The following MGAT4C variants were observed in gnomAD, a reference collection of about 807,000 sequenced individuals.
The protein encoded by MGAT4C is MGAT4 family member C.
Under a neutral mutation model 40.1 loss-of-function variants are expected in MGAT4C, and 19 were observed. The observed-to-expected ratio is 0.47, with a 90% confidence interval of 0.33 to 0.70. MGAT4C has a LOEUF of 0.70. Among genes scored for constraint, MGAT4C ranks in the 30% least tolerant of loss-of-function variants. The pLI is 0.02. For missense variants in MGAT4C, 491 were observed against 563.2 expected (o/e 0.87, Z 1.30); for synonymous variants, 181 against 187.1 (o/e 0.97, Z 0.27).
chr12:86,293,608 T>C (rs534265239), intron 4 of MGAT4C, among the ~76,000 whole-genome samples: 1 of 152,276 alleles, frequency 6.6e-6, no homozygotes, highest in Admixed American at 6.5e-5. Flanking sequence ...CCTTTATGAC[T>C]TATAACAATT....
At chr12:86,484,719 C>T (rs1422203677) in intron 2 of MGAT4C, among the ~76,000 whole-genome samples, 1 of 152,158 alleles carries the variant, frequency 6.6e-6, no homozygotes, top group Non-Finnish European at 1.5e-5. Context: ...AGAGTGAGAC[C>T]TGTCAGTCAG....
At chr12:86,670,036 T>C (rs1191652493) in intron 2 of MGAT4C, among the ~76,000 whole-genome samples, 1 of 149,006 alleles carries the variant, frequency 6.7e-6, no homozygotes, top group African/African-American at 2.6e-5. Context: ...AATAAAATTA[T>C]TGGGGAAAAA....
intron 3 of MGAT4C, among the ~76,000 whole-genome samples, chr12:86,353,405 G>A (rs192550332): frequency 3.4e-3 from 515 of 152,250 alleles, no homozygotes; most frequent in Non-Finnish European, 5.4e-3. Flanking sequence ...AGAATCCCAT[G>A]GGGTGAGTTC....
chr12:86,196,589 G>A (rs536004548), intron 1 of MGAT4C, among the ~76,000 whole-genome samples: 1 of 152,318 alleles, frequency 6.6e-6, no homozygotes, highest in East Asian at 1.9e-4. Flanking sequence ...GATAATGCAT[G>A]TTTGAAGCCA....
At chr12:86,584,992 T>G (rs1162412037) in intron 2 of MGAT4C, among the ~76,000 whole-genome samples, 1 of 151,382 alleles carries the variant, frequency 6.6e-6, no homozygotes, top group African/African-American at 2.4e-5. Flanking sequence ...ATTTGTCAAT[T>G]AGTGAAAATT....
At chr12:86,371,570 A>C (rs1452622689) in intron 3 of MGAT4C, among the ~76,000 whole-genome samples, 2 of 151,906 alleles carry the variant, frequency 1.3e-5, no homozygotes, top group Non-Finnish European at 2.9e-5. Flanking sequence ...TTTTCCTTTA[A>C]ATTTTTAAAA....
intron 1 of MGAT4C, among the ~76,000 whole-genome samples, chr12:86,764,093 G>A (rs1023832419): frequency 6.6e-6 from 1 of 152,138 alleles, no homozygotes; most frequent in African/African-American, 2.4e-5. Flanking sequence ...AGGGGTCAGG[G>A]AGTTCCCTTT....
chr12:86,747,618 A>G (rs1173241168), intron 1 of MGAT4C, among the ~76,000 whole-genome samples: 1 of 151,616 alleles, frequency 6.6e-6, no homozygotes, highest in Non-Finnish European at 1.5e-5. Flanking sequence ...TCTTTTTCAG[A>G]GCAAATTTCA....
chr12:86,616,550 G>A (rs1349065121), intron 2 of MGAT4C, among the ~76,000 whole-genome samples: 1 of 152,050 alleles, frequency 6.6e-6, no homozygotes, highest in Non-Finnish European at 1.5e-5. Flanking sequence ...AGCAGAAAAT[G>A]TATCATGTCA....
intron 2 of MGAT4C, among the ~76,000 whole-genome samples, chr12:86,540,387 G>A (rs1959153127): frequency 1.3e-5 from 2 of 152,170 alleles, no homozygotes. Flanking sequence ...TAGCAGCCCA[G>A]GTTAAGCCTC....
intron 2 of MGAT4C, among the ~76,000 whole-genome samples, chr12:86,529,004 G>A (rs1016318434): frequency 1.3e-5 from 2 of 151,644 alleles, no homozygotes; most frequent in Non-Finnish European, 3.0e-5. Flanking sequence ...AATATTCAAA[G>A]TAAAATACAT....
Position 86,665,384 on chromosome 12 carries a change from C to CT in MGAT4C, c.-229+61824dup, listed in dbSNP as rs1055385816. Among the ~76,000 whole-genome samples, 534 of 149,206 alleles carry CT rather than the reference C, an allele frequency of 3.6e-3. 4 individuals are homozygous for CT. The highest frequency in any genetic ancestry group is 0.011 in the African/African-American group (456 of 40,650). On this transcript the variant is annotated intron_variant, in intron 2 of 7. Transcript: ENST00000548651. ...TTGGAAAAGTTATACAACTTTTTTT[C>CT]TTTTTTTTTTGAGACGGAGCCTTGC...
At chr12:86,219,531 G>C (rs1213758512) in intron 1 of MGAT4C, among the ~76,000 whole-genome samples, 1 of 152,114 alleles carries the variant, frequency 6.6e-6, no homozygotes. Flanking sequence ...TTTTCTGTTT[G>C]TATGGAAGAT....
rs142602426 is a variant in MGAT4C, at chr12:86,236,103, C to T, written c.-57+20136G>A. Among the ~76,000 whole-genome samples the T allele has an allele frequency of 2.4e-3, 372 of 152,132 alleles. 1 individual carries two copies. The highest frequency in any genetic ancestry group is 7.4e-3 in the African/African-American group (307 of 41,534). ...AATGTGAGCACAGATATCCTACTGA[C>T]ATCACAGAAATACATGGTTCATGTG... On this transcript the variant is annotated intron_variant, in intron 1 of 4. Coordinates refer to ENST00000611864, the MANE Select transcript of MGAT4C (RefSeq NM_001351288.2).
chr12:86,227,183 A>AT (rs137908521), intron 1 of MGAT4C, among the ~76,000 whole-genome samples: 8,401 of 150,766 alleles, frequency 0.056, 769 homozygotes, highest in African/African-American at 0.19. Context: ...CAAAGATGTC[A>AT]TTTTTTTTTC....
chr12:86,374,065 G>A (rs756238166), intron 3 of MGAT4C, among the ~76,000 whole-genome samples: 52 of 152,086 alleles, frequency 3.4e-4, no homozygotes, highest in Non-Finnish European at 1.3e-4. Flanking sequence ...CTAGAGAATC[G>A]AGATGTTTGT....
At chr12:86,540,232 C>T (rs1210235365) in intron 2 of MGAT4C, among the ~76,000 whole-genome samples, 2 of 152,180 alleles carry the variant, frequency 1.3e-5, no homozygotes, top group Non-Finnish European at 2.9e-5. Flanking sequence ...TGGTGGCTTC[C>T]ACCATAGCTT....
intron 2 of MGAT4C, among the ~76,000 whole-genome samples, chr12:86,491,005 G>A (rs1023373679): frequency 2.0e-4 from 31 of 152,030 alleles, no homozygotes; most frequent in African/African-American, 7.5e-4. Flanking sequence ...ACAGATCAAC[G>A]AGACAGAAAG....
At chr12:86,603,673 T>A (rs1961915565) in intron 2 of MGAT4C, among the ~76,000 whole-genome samples, 1 of 128,972 alleles carries the variant, frequency 7.8e-6, no homozygotes, top group Non-Finnish European at 1.6e-5. Flanking sequence ...TTATATATAG[T>A]ATATATACTA....
Sources: allele counts gnomAD v4.1 joint callset (sites outside exome capture counted in the v4.1 genomes callset), GRCh38; gene constraint gnomAD v4.1.1; transcripts MANE v1.5; gene names NCBI Gene and HGNC (gene_info 2026-07-23, HGNC 2026-07-21).